The following FAM13A variants were observed in gnomAD, a reference collection of about 807,000 sequenced individuals.
FAM13A encodes protein FAM13A.
In FAM13A, 76 loss-of-function variants were observed where a neutral mutation model predicts 129.6. The observed-to-expected ratio is 0.59, with a 90% CI of 0.49 to 0.71. The LOEUF is 0.71. FAM13A is among the 30% of genes least tolerant of loss of function. FAM13A has a pLI of 0.00. For synonymous variants in FAM13A, 443 were observed against 449.9 expected (o/e 0.98, Z 0.20); for missense variants, 1,108 against 1,249.3 (o/e 0.89, Z 1.70).
chr4:88,928,300 G>A (rs779989687), intron 5 of FAM13A, among the ~76,000 whole-genome samples: 15 of 152,190 alleles, frequency 9.9e-5, no homozygotes, highest in Non-Finnish European at 2.1e-4. Context: ...AGAGAAGAAT[G>A]TATATTCCAT....
intron 11 of FAM13A, among the ~76,000 whole-genome samples, chr4:88,780,401 AG>A (rs1377885329): frequency 6.6e-6 from 1 of 152,180 alleles, no homozygotes; most frequent in Non-Finnish European, 1.5e-5. Context: ...TATTTTTATT[AG>A]GGATTCCAGT....
intron 11 of FAM13A, among the ~76,000 whole-genome samples, chr4:88,772,446 A>G (rs1720867326): frequency 6.6e-6 from 1 of 152,194 alleles, no homozygotes; most frequent in Non-Finnish European, 1.5e-5. Context: ...ATGTCCAGCA[A>G]CAATACATTT....
chr4:88,761,098 T>G (rs1452646797), intron 13 of FAM13A, among the ~76,000 whole-genome samples: 1 of 152,224 alleles, frequency 6.6e-6, no homozygotes, highest in Non-Finnish European at 1.5e-5. Context: ...GCTCTGACAT[T>G]TACTAGCCTG....
At chr4:88,831,088 C>T (rs150234503) in intron 7 of FAM13A, among the ~76,000 whole-genome samples, 32 of 152,022 alleles carry the variant, frequency 2.1e-4, no homozygotes, top group African/African-American at 7.0e-4. Flanking sequence ...TGTAATTGTT[C>T]CTCAACTTTC....
intron 3 of FAM13A, among the ~76,000 whole-genome samples, chr4:88,992,949 G>C (rs1466839027): frequency 6.6e-6 from 1 of 152,016 alleles, no homozygotes; most frequent in Non-Finnish European, 1.5e-5. Context: ...AGGGAAATGA[G>C]ATACAAAATC....
chr4:88,989,435 C>T (rs927924597), intron 4 of FAM13A, among the ~76,000 whole-genome samples: 6 of 152,066 alleles, frequency 3.9e-5, no homozygotes, highest in African/African-American at 1.2e-4. Context: ...AACCCCGTCT[C>T]TACAAAAAAT....
At chr4:88,815,171 A>T (rs532789881) in intron 7 of FAM13A, among the ~76,000 whole-genome samples, 4 of 152,232 alleles carry the variant, frequency 2.6e-5, no homozygotes, top group African/African-American at 9.6e-5. Context: ...AGATTTGATG[A>T]GAAGATACCA....
chr4:89,051,717 A>C (rs1047326602), intron 1 of FAM13A, among the ~76,000 whole-genome samples: 1 of 152,182 alleles, frequency 6.6e-6, no homozygotes, highest in African/African-American at 2.4e-5. Context: ...CAAAATACAA[A>C]GGTGGGTCAG....
At chr4:88,942,491 C>T (rs1271194810) in intron 4 of FAM13A, among the ~76,000 whole-genome samples, 2 of 151,790 alleles carry the variant, frequency 1.3e-5, no homozygotes, top group Non-Finnish European at 2.9e-5. Context: ...CACTTGAACC[C>T]AGGAGGCAGA....
At chr4:88,920,782 C>G (rs7673818) in intron 5 of FAM13A, among the ~76,000 whole-genome samples, 115,212 of 152,034 alleles carry the variant, frequency 0.76, 43,956 homozygotes, top group Non-Finnish European at 0.79. Context: ...AAACCAAAGG[C>G]AAAGAAGTTA....
intron 4 of FAM13A, among the ~76,000 whole-genome samples, chr4:88,988,202 C>T (rs998730453): frequency 6.6e-5 from 10 of 152,058 alleles, no homozygotes; most frequent in East Asian, 5.8e-4. Flanking sequence ...TGGTTAAATA[C>T]AAACAAAACA....
At chr4:88,891,180 T>C (rs1745245935) in intron 6 of FAM13A, among the ~76,000 whole-genome samples, 1 of 152,158 alleles carries the variant, frequency 6.6e-6, no homozygotes, top group Non-Finnish European at 1.5e-5. Flanking sequence ...CTCAGCACAT[T>C]GAGAGGCTGA....
In FAM13A at chr4:88,750,616, G is replaced by A; in HGVS notation, c.1748C>T (p.Ser583Phe). The A allele has an allele frequency of 6.2e-7, 1 of 1,613,520 alleles. No homozygotes were observed. Among genetic ancestry groups the A allele is most frequent in the East Asian group, 2.2e-5 (1 of 44,818 alleles). Residue 583 changes from serine (S) to phenylalanine (F), a missense_variant, in exon 15 of 24, where the codon TCC (serine) becomes TTC (phenylalanine). By Grantham distance (155) the Ser-to-Phe change is radical. Coordinates refer to ENST00000264344, the MANE Select transcript of FAM13A (RefSeq NM_014883.4). ...NWEEPIPAFS[S>F]WQRENSDSDE... The stretch of plus-strand genomic sequence containing the variant: ...AGAGTCACTGTTCTCCCGCTGCCAG[G>A]AGGAGAAAGCAGGGATAGGCTCTGG...
chr4:88,916,037 A>G (rs1750063092), intron 5 of FAM13A, among the ~76,000 whole-genome samples: 1 of 152,018 alleles, frequency 6.6e-6, no homozygotes, highest in Non-Finnish European at 1.5e-5. Flanking sequence ...TATCTTTATA[A>G]ATTAAAAAAA....
chr4:88,871,130 C>T (rs943833991), intron 6 of FAM13A, among the ~76,000 whole-genome samples: 3 of 152,170 alleles, frequency 2.0e-5, no homozygotes, highest in Non-Finnish European at 4.4e-5. Flanking sequence ...CACACCAAAA[C>T]CCCATTTACA....
chr4:88,868,080 A>G (rs1348279042), intron 6 of FAM13A, among the ~76,000 whole-genome samples: 1 of 152,046 alleles, frequency 6.6e-6, no homozygotes, highest in Admixed American at 6.6e-5. Context: ...TCTGATCTTG[A>G]AAAAAAAGAT....
At chr4:88,799,743 A>G (rs1425988105) in intron 8 of FAM13A, among the ~76,000 whole-genome samples, 1 of 152,210 alleles carries the variant, frequency 6.6e-6, no homozygotes, top group Non-Finnish European at 1.5e-5. Context: ...TTGGCCTCCC[A>G]AAGTGCTGGG....
intron 2 of FAM13A, among the ~76,000 whole-genome samples, chr4:89,027,834 G>A (rs997930555): frequency 1.3e-5 from 2 of 152,068 alleles, no homozygotes; most frequent in Non-Finnish European, 2.9e-5. Flanking sequence ...CACTGGACAA[G>A]GGGAGGATTC....
At chr4:88,770,299 G>A (rs1720389169) in intron 11 of FAM13A, among the ~76,000 whole-genome samples, 1 of 152,164 alleles carries the variant, frequency 6.6e-6, no homozygotes, top group Admixed American at 6.5e-5. Context: ...CTATGACAAA[G>A]AATCTTTGTT....
Sources: gnomAD v4.1 joint callset for allele counts (sites outside exome capture counted in the v4.1 genomes callset) on GRCh38, gnomAD v4.1.1 for gene constraint, MANE v1.5 for transcripts, NCBI Gene and HGNC (gene_info 2026-07-23, HGNC 2026-07-21) for gene names.